The following IGFL2 variants were observed in gnomAD, a reference collection of about 807,000 sequenced individuals.
IGFL2 encodes IGF like family member 2, also known as insulin growth factor-like family member 2.
IGFL2 carries 7 observed loss-of-function variants against 13.9 expected under a neutral mutation model. The observed-to-expected ratio is 0.51, with a 90% CI of 0.29 to 0.95. The LOEUF is 0.95. Among genes scored for constraint, IGFL2 ranks in the 40% least tolerant of loss-of-function variants. The pLI is 0.08. For missense variants in IGFL2, 138 were observed against 147.8 expected (o/e 0.93, Z 0.34); for synonymous variants, 55 against 55.8 (o/e 0.99, Z 0.07).
chr19:46,158,308 A>G (rs1205506567), intron 1 of IGFL2, among the ~76,000 whole-genome samples: 1 of 152,096 alleles, frequency 6.6e-6, no homozygotes, highest in Non-Finnish European at 1.5e-5. Flanking sequence ...TCCCGGGTTC[A>G]AGTGATTCTC....
chr19:46,118,294 A>C, the IGFL2 span, among the ~76,000 whole-genome samples: 2 of 152,206 alleles, frequency 1.3e-5, no homozygotes, highest in South Asian at 4.1e-4. Flanking sequence ...AATAGCAAGT[A>C]GATACTCACA....
At chr19:46,124,749 C>G in the IGFL2 span, 1 of 1,016,568 alleles carries the variant, frequency 9.8e-7, no homozygotes, top group Non-Finnish European at 1.6e-6. Context: ...GGTAAGTTTA[C>G]TGATTGGATG....
At chr19:46,135,078 C>A in the IGFL2 span, among the ~76,000 whole-genome samples, 1 of 152,116 alleles carries the variant, frequency 6.6e-6, no homozygotes, top group African/African-American at 2.4e-5. Context: ...TAACTACTAT[C>A]TTGAAATAAT....
chr19:46,119,856 G>T, the IGFL2 span, among the ~76,000 whole-genome samples: 2 of 150,698 alleles, frequency 1.3e-5, no homozygotes, highest in African/African-American at 4.9e-5. Flanking sequence ...GTGTGTTTTG[G>T]GCACTGGCAG....
chr19:46,097,561 A>T, the IGFL2 span, among the ~76,000 whole-genome samples: 1 of 150,864 alleles, frequency 6.6e-6, no homozygotes, highest in African/African-American at 2.4e-5. Context: ...TAGCTTTGGG[A>T]TTTGTTCTTG....
At chr19:46,079,142 G>C in the IGFL2 span, among the ~76,000 whole-genome samples, 1 of 152,222 alleles carries the variant, frequency 6.6e-6, no homozygotes, top group African/African-American at 2.4e-5. Flanking sequence ...AGTAGACATC[G>C]CGCAGGCGAT....
chr19:46,192,125 C>T, the IGFL2 span, among the ~76,000 whole-genome samples: 1 of 152,172 alleles, frequency 6.6e-6, no homozygotes, highest in Non-Finnish European at 1.5e-5. Context: ...TAGAAGAGCA[C>T]ACCCACAGGG....
At chr19:46,095,676 C>T in the IGFL2 span, among the ~76,000 whole-genome samples, 2 of 151,706 alleles carry the variant, frequency 1.3e-5, no homozygotes, top group Admixed American at 1.3e-4. Flanking sequence ...ACTTAAGTCT[C>T]GAATCCAATC....
At chr19:46,200,621 T>G in the IGFL2 span, among the ~76,000 whole-genome samples, 1 of 151,806 alleles carries the variant, frequency 6.6e-6, no homozygotes, top group Non-Finnish European at 1.5e-5. Context: ...GCTCAAGCGT[T>G]CCTCCTGCTA....
chr19:46,110,340 C>T, the IGFL2 span, among the ~76,000 whole-genome samples: 1 of 152,212 alleles, frequency 6.6e-6, no homozygotes, highest in Non-Finnish European at 1.5e-5. Context: ...GTATTTCACC[C>T]TCAGGTCTCT....
the IGFL2 span, among the ~76,000 whole-genome samples, chr19:46,191,663 T>A: frequency 6.6e-6 from 1 of 152,016 alleles, no homozygotes; most frequent in African/African-American, 2.4e-5. Flanking sequence ...AGAAAGCATG[T>A]TTTTGGAGAG....
chr19:46,206,508 T>C, the IGFL2 span, among the ~76,000 whole-genome samples: 16 of 152,296 alleles, frequency 1.1e-4, no homozygotes, highest in Admixed American at 9.1e-4. Context: ...GGGAGCAACA[T>C]GCCCGGACAG....
At chr19:46,128,645 A>G in the IGFL2 span, among the ~76,000 whole-genome samples, 1 of 152,214 alleles carries the variant, frequency 6.6e-6, no homozygotes, top group Non-Finnish European at 1.5e-5. Context: ...AATGAATCAC[A>G]TTTATTGATT....
intron 1 of IGFL2, among the ~76,000 whole-genome samples, chr19:46,149,443 G>C (rs1202050926): frequency 6.7e-6 from 1 of 149,962 alleles, no homozygotes; most frequent in Non-Finnish European, 1.5e-5. Context: ...AGGAAGAGTA[G>C]CTCAGTCATC....
the IGFL2 span, chr19:46,209,723 CCT>C: frequency 6.6e-6 from 1 of 152,150 alleles, no homozygotes; most frequent in Non-Finnish European, 1.5e-5. Flanking sequence ...TCAGAGGAAA[CCT>C]CTCCCCTCTC....
the IGFL2 span, among the ~76,000 whole-genome samples, chr19:46,103,139 A>G: frequency 1.3e-5 from 2 of 152,134 alleles, no homozygotes; most frequent in Non-Finnish European, 2.9e-5. Flanking sequence ...GTTCAGTGTA[A>G]TTATTTGCTT....
the IGFL2 span, among the ~76,000 whole-genome samples, chr19:46,182,332 A>G: frequency 6.9e-6 from 1 of 144,796 alleles, no homozygotes; most frequent in Non-Finnish European, 1.5e-5. Context: ...GCACCACTGC[A>G]CTCCAGCCTG....
the IGFL2 span, among the ~76,000 whole-genome samples, chr19:46,183,526 C>T: frequency 3.8e-3 from 579 of 151,490 alleles, 2 homozygotes; most frequent in African/African-American, 0.012. Flanking sequence ...TCTGTCTCTC[C>T]TTTCTGCAGA....
At chr19:46,120,975 C>T in the IGFL2 span, among the ~76,000 whole-genome samples, 1 of 150,396 alleles carries the variant, frequency 6.6e-6, no homozygotes, top group African/African-American at 2.5e-5. Context: ...ACTTAAGAAG[C>T]CTTAGGTTTA....
Sources: gnomAD v4.1 joint callset for allele counts (sites outside exome capture counted in the v4.1 genomes callset) on GRCh38, gnomAD v4.1.1 for gene constraint, MANE v1.5 for transcripts, NCBI Gene and HGNC (gene_info 2026-07-23, HGNC 2026-07-21) for gene names.